Variants in F2R observed in about 807,000 individuals in gnomAD.
F2R encodes proteinase-activated receptor 1.
A neutral mutation model predicts 18.3 loss-of-function variants in F2R; 12 were observed. That is an observed-to-expected ratio of 0.66 (90% CI 0.42 to 1.06). The LOEUF is 1.06. Among genes scored for constraint, F2R ranks in the 50% least tolerant of loss-of-function variants. F2R has a pLI of 0.00. For synonymous variants in F2R, 210 were observed against 219.9 expected, an observed-to-expected ratio of 0.95 and a Z score of 0.40; for missense variants, 438 against 530.8, an observed-to-expected ratio of 0.83 and a Z score of 1.72.
intron 1 of F2R, among the ~76,000 whole-genome samples, chr5:76,719,852 C>T (rs143724038): frequency 8.5e-5 from 13 of 152,274 alleles, no homozygotes; most frequent in Non-Finnish European, 7.4e-5. Flanking sequence ...CATTTATGCA[C>T]GGACTGTGGT....
intron 1 of F2R, among the ~76,000 whole-genome samples, chr5:76,728,663 T>A (rs1336808196): frequency 6.6e-6 from 1 of 150,990 alleles, no homozygotes; most frequent in Non-Finnish European, 1.5e-5. Context: ...GAACATGAGA[T>A]TGCAGCTATT....
rs769303443 is a variant in F2R at position 76,732,294 on chromosome 5, T to G, written c.89-20T>G. 6.5e-7 allele frequency: 1 copy of G among 1,549,874 alleles called. No individual in the cohort carries two copies. The highest frequency in any genetic ancestry group is 1.4e-5 in the African/African-American group (1 of 71,790). On this transcript the variant is annotated intron_variant, in intron 1 of 1. Coordinates refer to ENST00000319211, the MANE Select transcript of F2R (RefSeq NM_001992.5). ...GCGTTCACTTTTTACATTTAAAATT[T>G]TTTTAATTTTATTTTTCAGAATCAA... is the stretch of plus-strand genomic sequence containing the variant.
At position 76,716,146 on chromosome 5, in the gene F2R, T is replaced by G; in HGVS notation, c.-162T>G. ...CCGCTAACCGCCCCAGACACAGCGC[T>G]CGCCGAGGGTCGCTTGGACCCTGAT... On this transcript the variant is annotated 5_prime_UTR_variant, in exon 1 of 2. Transcript: ENST00000319211. The G allele has an allele frequency of 2.2e-6, 1 of 453,402 alleles. No homozygotes were observed. 28.1% of individuals were successfully genotyped at this position (453,402 alleles called of 1,614,324 possible).
At chr5:76,726,119 G>A (rs1266602773) in intron 1 of F2R, among the ~76,000 whole-genome samples, 1 of 152,232 alleles carries the variant, frequency 6.6e-6, no homozygotes, top group African/African-American at 2.4e-5. Flanking sequence ...GCCAGGTGCA[G>A]TGGCTTATGC....
At position 76,732,339 on chromosome 5, in the gene F2R, A is replaced by G. The variant is rs149168216; in HGVS notation, c.114A>G (p.Leu38=). The change falls in exon 2 of 2, where the codon TTA becomes TTG. Residue 38 remains leucine (L), a synonymous_variant. Transcript: ENST00000319211. The part of the protein sequence containing the change: ...RPESKATNAT[L]DPRSFLLRNP... ...AATCAAAAGCAACAAATGCCACCTT[A>G]GATCCCCGGTCATTTCTTCTCAGGA... 4,702 of 1,605,272 alleles carry G rather than the reference A, an allele frequency of 2.9e-3. 50 individuals are homozygous for G. The highest frequency in any genetic ancestry group is 0.026 in the Middle Eastern group (158 of 5,992).
intron 1 of F2R, among the ~76,000 whole-genome samples, chr5:76,725,518 G>A (rs1056354308): frequency 1.3e-5 from 2 of 152,126 alleles, no homozygotes; most frequent in Non-Finnish European, 2.9e-5. Flanking sequence ...GAGGAAAAGC[G>A]AGATACTTAA....
chr5:76,732,870 T>C lies in F2R; in HGVS notation c.645T>C (p.Thr215=). The C allele has an allele frequency of 6.2e-7, 1 of 1,614,200 alleles. No individual in the cohort carries two copies. Among genetic ancestry groups the C allele is most frequent in the Non-Finnish European group, 8.5e-7 (1 of 1,180,034 alleles). Residue 215 remains threonine, a synonymous_variant, in exon 2 of 2, where the codon ACT becomes ACC. Coordinates refer to ENST00000319211, the MANE Select transcript of F2R (RefSeq NM_001992.5). The part of the protein sequence containing the change: ...VYPMQSLSWR[T]LGRASFTCLA... ...CCATGCAGTCCCTCTCCTGGCGTAC[T>C]CTGGGAAGGGCTTCCTTCACTTGTC...
intron 1 of F2R, among the ~76,000 whole-genome samples, chr5:76,719,740 T>C (rs994144218): frequency 6.6e-6 from 1 of 152,156 alleles, no homozygotes; most frequent in African/African-American, 2.4e-5. Context: ...CCTAGTACAG[T>C]ATGGATTTAC....
Position 76,716,163 on chromosome 5 carries a change from G to A in F2R, c.-145G>A, listed in dbSNP as rs189669041. ...CACAGCGCTCGCCGAGGGTCGCTTG[G>A]ACCCTGATCTTACCCGTGGGCACCC... On this transcript the variant is annotated 5_prime_UTR_variant, in exon 1 of 2. Coordinates refer to ENST00000319211, the MANE Select transcript of F2R (RefSeq NM_001992.5). The A allele has an allele frequency of 2.0e-3, 1,096 of 548,042 alleles. 16 individuals are homozygous for A. Among genetic ancestry groups the A allele is most frequent in the African/African-American group, 0.019 (978 of 50,880 alleles). The allele number at this position is 548,042 out of a possible 1,614,324, so 33.9% of individuals were successfully genotyped here.
At position 76,716,130 on chromosome 5, in the gene F2R, G is replaced by A. The variant is rs377199280; in HGVS notation, c.-178G>A. On this transcript the variant is annotated 5_prime_UTR_variant, in exon 1 of 2. Coordinates refer to ENST00000319211, the MANE Select transcript of F2R (RefSeq NM_001992.5). ...CCAGTCCCGCCCCGCCCCGCTAACC[G>A]CCCCAGACACAGCGCTCGCCGAGGG... 1.2e-3 allele frequency: 435 copies of A among 349,376 alleles called. 6 individuals carry two copies. In the East Asian group the frequency reaches 0.018, roughly 15 times the overall value. 21.6% of individuals were successfully genotyped at this position (349,376 alleles called of 1,614,324 possible).
chr5:76,732,726 T>C lies in F2R; in HGVS notation c.501T>C (p.Asp167=). Residue 167 remains aspartate (D), a synonymous_variant, in exon 2 of 2, where the codon GAT becomes GAC. Transcript: ENST00000319211. ...TCAGCTATTACTTTTCCGGCAGTGATTGGCAGTTTGGGTCTGAATTGTGTC... is the reference window on the plus strand; with the variant it reads ...TCAGCTATTACTTTTCCGGCAGTGACTGGCAGTTTGGGTCTGAATTGTGTC... ...FKISYYFSGS[D]WQFGSELCRF... is the part of the protein sequence containing the mutation. 2 of 1,614,232 alleles carry C rather than the reference T, an allele frequency of 1.2e-6. No individual in the cohort carries two copies. Among genetic ancestry groups the C allele is most frequent in the South Asian group, 1.1e-5 (1 of 91,082 alleles).
In F2R at chr5:76,718,977, A is replaced by G. The variant is rs546285831; in HGVS notation, c.88+2582A>G. On this transcript the variant is annotated intron_variant, in intron 1 of 1. Coordinates refer to ENST00000319211, the MANE Select transcript of F2R (RefSeq NM_001992.5). ...GAGGGTCCCCAGCCCCTCTCCAGCCATCTCCTATTACTCACCCTCCAGTTC... is the reference window on the plus strand; with the variant it reads ...GAGGGTCCCCAGCCCCTCTCCAGCCGTCTCCTATTACTCACCCTCCAGTTC... 3.3e-5 allele frequency among the ~76,000 whole-genome samples: 5 copies of G among 152,044 alleles called. No individual in the cohort carries two copies. In the South Asian group the frequency reaches 1.0e-3, roughly 32 times the overall value.
chr5:76,723,383 C>T (rs1173316020), intron 1 of F2R, among the ~76,000 whole-genome samples: 2 of 152,148 alleles, frequency 1.3e-5, no homozygotes, highest in Non-Finnish European at 2.9e-5. Context: ...GCTGGGCAGA[C>T]CTAGGTTCAA....
Sources: allele counts gnomAD v4.1 joint callset (sites outside exome capture counted in the v4.1 genomes callset), GRCh38; gene constraint gnomAD v4.1.1; transcripts MANE v1.5; gene names NCBI Gene and HGNC (gene_info 2026-07-23, HGNC 2026-07-21).